The following PTPRK variants were observed in gnomAD, a reference collection of about 807,000 sequenced individuals.
The protein encoded by PTPRK is receptor-type tyrosine-protein phosphatase kappa.
PTPRK carries 75 observed loss-of-function variants against 178.0 expected under a neutral mutation model. The ratio of observed to expected loss-of-function variants is 0.42; its 90% CI spans 0.35 to 0.51. PTPRK has a LOEUF of 0.51. PTPRK is among the 20% of genes least tolerant of loss of function. The pLI is 0.02. For synonymous variants in PTPRK, 637 were observed against 620.6 expected (o/e 1.03, Z -0.39); for missense variants, 1,441 against 1,797.8 (o/e 0.80, Z 3.59).
rs889173589 is a variant in PTPRK, at chr6:128,198,214, G to T, written c.869-13489C>A. 2.6e-5 allele frequency among the ~76,000 whole-genome samples: 4 copies of T among 152,242 alleles called. No homozygotes were observed. In the East Asian group the frequency reaches 7.7e-4, roughly 29 times the overall value. ...CAGCAGGTGATAAATAGAACTCTATGTCTTATTAAGACAGCTGAAAGTAAA... is the reference window on the plus strand; with the variant it reads ...CAGCAGGTGATAAATAGAACTCTATTTCTTATTAAGACAGCTGAAAGTAAA... On this transcript the variant is annotated intron_variant, in intron 6 of 29. Coordinates refer to ENST00000368226, the MANE Select transcript of PTPRK (RefSeq NM_002844.4).
At chr6:128,024,988 C>T (rs565101417) in intron 13 of PTPRK, among the ~76,000 whole-genome samples, 1 of 152,116 alleles carries the variant, frequency 6.6e-6, no homozygotes, top group Admixed American at 6.5e-5. Flanking sequence ...TAATATTTAC[C>T]TTTTCAACTA....
At chr6:128,369,041 G>A (rs1397214695) in intron 2 of PTPRK, among the ~76,000 whole-genome samples, 1 of 148,888 alleles carries the variant, frequency 6.7e-6, no homozygotes, top group Non-Finnish European at 1.5e-5. Context: ...CTTTTAAAGA[G>A]CCTTGGCTTT....
chr6:128,134,205 T>C (rs1794683301), intron 7 of PTPRK, among the ~76,000 whole-genome samples: 1 of 152,212 alleles, frequency 6.6e-6, no homozygotes, highest in African/African-American at 2.4e-5. Flanking sequence ...TAGCTTTTCT[T>C]AGGACATGCG....
chr6:128,515,227 T>G (rs757650809), intron 1 of PTPRK, among the ~76,000 whole-genome samples: 1 of 152,192 alleles, frequency 6.6e-6, no homozygotes, highest in African/African-American at 2.4e-5. Flanking sequence ...CAGCAACAAA[T>G]AAATGTTCTG....
intron 3 of PTPRK, chr6:128,321,431 T>C (rs768303062): frequency 2.2e-5 from 5 of 227,508 alleles, no homozygotes; most frequent in African/African-American, 4.7e-5. Flanking sequence ...TCTGATTTAA[T>C]CATAATTCAA....
intron 12 of PTPRK, among the ~76,000 whole-genome samples, chr6:128,065,614 T>C (rs1781612284): frequency 6.6e-6 from 1 of 152,184 alleles, no homozygotes; most frequent in African/African-American, 2.4e-5. Flanking sequence ...TATAACTCTA[T>C]CTTGAGTAGT....
chr6:128,209,973 C>T (rs2128264367), intron 6 of PTPRK, among the ~76,000 whole-genome samples: 1 of 152,186 alleles, frequency 6.6e-6, no homozygotes, highest in South Asian at 2.1e-4. Flanking sequence ...CAGGAAGCTG[C>T]CAGTGCCAGG....
intron 1 of PTPRK, among the ~76,000 whole-genome samples, chr6:128,398,129 T>G (rs1401807116): frequency 6.6e-6 from 1 of 152,152 alleles, no homozygotes; most frequent in Admixed American, 6.6e-5. Flanking sequence ...CACTCCACAC[T>G]GTGGGAGTGC....
chr6:128,516,704 G>C (rs904785208), intron 1 of PTPRK, among the ~76,000 whole-genome samples: 4 of 152,116 alleles, frequency 2.6e-5, no homozygotes, highest in African/African-American at 9.7e-5. Flanking sequence ...GCAGGATCTC[G>C]AGCTGTATTT....
At chr6:128,471,757 T>C (rs1850696954) in intron 1 of PTPRK, among the ~76,000 whole-genome samples, 1 of 151,776 alleles carries the variant, frequency 6.6e-6, no homozygotes, top group African/African-American at 2.4e-5. Flanking sequence ...AACAGGTGTA[T>C]GTGGAGTGTG....
At chr6:128,377,069 ACCTCTGCCTGTTACCCAGTTCC>A (rs1421272887) in intron 2 of PTPRK, among the ~76,000 whole-genome samples, 6 of 151,786 alleles carry the variant, frequency 4.0e-5, no homozygotes, top group Non-Finnish European at 8.8e-5. Context: ...AACTGTTCTA[ACCTCTGCCTGTTACCCAGTTCC>A]AAATCATTTC....
chr6:128,479,161 G>A (rs974944749), intron 1 of PTPRK, among the ~76,000 whole-genome samples: 1 of 152,022 alleles, frequency 6.6e-6, no homozygotes, highest in African/African-American at 2.4e-5. Flanking sequence ...CAAAGTTTAT[G>A]GTGTGTTCAA....
intron 5 of PTPRK, chr6:128,235,717 G>A: frequency 2.7e-6 from 1 of 374,344 alleles, no homozygotes; most frequent in South Asian, 2.0e-5. Flanking sequence ...TCGACATTGT[G>A]TGTTTCTGAC....
intron 3 of PTPRK, among the ~76,000 whole-genome samples, chr6:128,288,605 TG>T (rs1822887888): frequency 6.6e-6 from 1 of 152,140 alleles, no homozygotes; most frequent in East Asian, 1.9e-4. Context: ...TTTAGACATC[TG>T]GTTCTGCTTT....
chr6:128,389,393 G>GT lies in PTPRK; in HGVS notation c.223+8172dup, dbSNP rs1004801601. Among the ~76,000 whole-genome samples the GT allele has an allele frequency of 6.9e-3, 284 of 41,340 alleles. 4 individuals are homozygous for GT. Among genetic ancestry groups the GT allele is most frequent in the East Asian group, 0.03 (5 of 164 alleles). The allele number at this position is 41,340 out of a possible 152,430, so 27.1% of individuals were successfully genotyped here. A position where few individuals can be genotyped will look rare whatever the true frequency, so the allele number is the denominator to read the frequency against. On this transcript the variant is annotated intron_variant, in intron 2 of 29. Coordinates refer to ENST00000368226, the MANE Select transcript of PTPRK (RefSeq NM_002844.4). ...TTACCTACCTTTTCTTGTTTGCTCG[G>GT]TTTTTTTTTGTTTTTTTTTGTTTTT...
intron 7 of PTPRK, among the ~76,000 whole-genome samples, chr6:128,170,395 AAAC>A (rs1800061546): frequency 6.6e-6 from 1 of 152,090 alleles, no homozygotes; most frequent in Non-Finnish European, 1.5e-5. Flanking sequence ...ACAATGATTA[AAAC>A]AACAAGAACA....
At position 128,193,280 on chromosome 6, in the gene PTPRK, GAAAAAAAAAAA is replaced by G. The variant is rs778872277; in HGVS notation, c.869-8566_869-8556del. On this transcript the variant is annotated intron_variant, in intron 6 of 29. Transcript: ENST00000368226. ...GAATCAAATGATTTATCCAGCTTGT[GAAAAAAAAAAA>G]AAAAAAAAAAAAAGGCACAGCTACA... Among the ~76,000 whole-genome samples, 5 of 57,756 alleles carry G rather than the reference GAAAAAAAAAAA, an allele frequency of 8.7e-5. No homozygotes were observed. In the Admixed American group the frequency reaches 8.8e-4, roughly 10 times the overall value. The allele number at this position is 57,756 out of a possible 152,430, so 37.9% of individuals were successfully genotyped here.
intron 1 of PTPRK, among the ~76,000 whole-genome samples, chr6:128,465,333 C>A (rs1032085421): frequency 6.6e-6 from 1 of 151,670 alleles, no homozygotes; most frequent in Non-Finnish European, 1.5e-5. Flanking sequence ...TTTTGCAAAT[C>A]CATATTTTAA....
intron 1 of PTPRK, among the ~76,000 whole-genome samples, chr6:128,517,210 T>C (rs190076445): frequency 2.6e-5 from 4 of 152,080 alleles, no homozygotes; most frequent in African/African-American, 4.8e-5. Flanking sequence ...ACACCCCAGA[T>C]AGCTGCACAG....
Sources: allele counts gnomAD v4.1 joint callset (sites outside exome capture counted in the v4.1 genomes callset), GRCh38; gene constraint gnomAD v4.1.1; transcripts MANE v1.5; gene names NCBI Gene and HGNC (gene_info 2026-07-23, HGNC 2026-07-21).